ZNF804B: variants seen among roughly 807,000 people sequenced by gnomAD.
ZNF804B encodes zinc finger 804B.
In ZNF804B, 80 loss-of-function variants were observed where a neutral mutation model predicts 101.4. The observed-to-expected ratio is 0.79, with a 90% CI of 0.66 to 0.95. ZNF804B has a LOEUF of 0.95. ZNF804B is among the 40% of genes least tolerant of loss of function. The pLI is 0.00. For missense variants in ZNF804B, 1,673 were observed against 1,561.9 expected (o/e 1.07, Z -1.20); for synonymous variants, 622 against 558.8 (o/e 1.11, Z -1.59).
At chr7:88,816,190 A>G (rs996200645) in intron 1 of ZNF804B, among the ~76,000 whole-genome samples, 9 of 152,078 alleles carry the variant, frequency 5.9e-5, no homozygotes, top group African/African-American at 2.2e-4. Flanking sequence ...TTCCCTTCCT[A>G]TTACACTGGG....
chr7:89,118,804 C>T (rs1790355239), intron 1 of ZNF804B, among the ~76,000 whole-genome samples: 2 of 152,070 alleles, frequency 1.3e-5, no homozygotes, highest in African/African-American at 4.8e-5. Flanking sequence ...AAAATTTGTC[C>T]TTTCAGTCTT....
At chr7:88,926,889 T>G (rs1271436867) in intron 1 of ZNF804B, among the ~76,000 whole-genome samples, 1 of 150,508 alleles carries the variant, frequency 6.6e-6, no homozygotes, top group Non-Finnish European at 1.5e-5. Flanking sequence ...TTTTTTTTTC[T>G]CATTTTAAAA....
intron 1 of ZNF804B, among the ~76,000 whole-genome samples, chr7:88,815,332 A>G (rs1340638100): frequency 6.7e-6 from 1 of 149,636 alleles, no homozygotes; most frequent in East Asian, 2.0e-4. Flanking sequence ...GGCATAGAAT[A>G]CAATTTATTG....
chr7:89,235,504 A>C (rs778889774), intron 2 of ZNF804B, among the ~76,000 whole-genome samples: 1 of 152,234 alleles, frequency 6.6e-6, no homozygotes, highest in African/African-American at 2.4e-5. Context: ...TTCAAACACA[A>C]TTAAGGAAAC....
chr7:88,854,415 C>CTTT (rs1370526188), intron 1 of ZNF804B, among the ~76,000 whole-genome samples: 1 of 51,340 alleles, frequency 1.9e-5, no homozygotes, highest in African/African-American at 7.2e-5. Flanking sequence ...TTCTTTCTTC[C>CTTT]TTTCTTTCTT....
At position 89,273,755 on chromosome 7, in the gene ZNF804B, G is replaced by A. The variant is rs535518990; in HGVS notation, c.250-53589G>A. Among the ~76,000 whole-genome samples, 137 of 152,210 alleles carry A rather than the reference G, an allele frequency of 9.0e-4. 4 individuals carry two copies. The South Asian group carries it at 0.027, about 30-fold the overall frequency. ...TGCATGGCAGATCTCCTGAGTGGTAGATTTAAATTTGCTCCCAAACTTCAA... is the reference window on the plus strand; with the variant it reads ...TGCATGGCAGATCTCCTGAGTGGTAAATTTAAATTTGCTCCCAAACTTCAA... On this transcript the variant is annotated intron_variant, in intron 2 of 3. Transcript: ENST00000333190.
chr7:89,198,151 C>T (rs1465511493), intron 1 of ZNF804B, among the ~76,000 whole-genome samples: 1 of 151,800 alleles, frequency 6.6e-6, no homozygotes, highest in Non-Finnish European at 1.5e-5. Flanking sequence ...GCTTGATCAA[C>T]TAATGATATG....
rs143346017 is a variant in ZNF804B at position 89,027,033 on chromosome 7, C to T, written c.109-191122C>T. On this transcript the variant is annotated intron_variant, in intron 1 of 3. Coordinates refer to ENST00000333190, the MANE Select transcript of ZNF804B (RefSeq NM_181646.5). ...TGAGAAATATCAATATTTGGAACAT[C>T]AATAAGAAATAAAGAGTTGACAAAT... 5.8e-3 allele frequency among the ~76,000 whole-genome samples: 875 copies of T among 151,648 alleles called. 9 individuals carry two copies. The highest frequency in any genetic ancestry group is 0.019 in the African/African-American group (786 of 41,330).
chr7:89,108,129 G>A (rs1369950989), intron 1 of ZNF804B, among the ~76,000 whole-genome samples: 1 of 152,020 alleles, frequency 6.6e-6, no homozygotes, highest in African/African-American at 2.4e-5. Context: ...AACAGGACAT[G>A]TAGGCAAAAA....
intron 1 of ZNF804B, among the ~76,000 whole-genome samples, chr7:89,039,774 T>G (rs2116246503): frequency 6.6e-6 from 1 of 152,154 alleles, no homozygotes; most frequent in South Asian, 2.1e-4. Flanking sequence ...GCCAGTTTTT[T>G]TATTGTAACA....
chr7:89,069,069 A>C (rs1260381973), intron 1 of ZNF804B, among the ~76,000 whole-genome samples: 1 of 152,240 alleles, frequency 6.6e-6, no homozygotes, highest in African/African-American at 2.4e-5. Context: ...CAATAAAATC[A>C]GTTGTGACCT....
At chr7:88,789,884 T>C (rs1221938428) in intron 1 of ZNF804B, among the ~76,000 whole-genome samples, 1 of 152,136 alleles carries the variant, frequency 6.6e-6, no homozygotes, top group Non-Finnish European at 1.5e-5. Context: ...TAATGCTCCA[T>C]GAAGGGATCC....
At chr7:88,988,534 C>G (rs1329666334) in intron 1 of ZNF804B, among the ~76,000 whole-genome samples, 1 of 152,094 alleles carries the variant, frequency 6.6e-6, no homozygotes, top group Non-Finnish European at 1.5e-5. Context: ...CATAGAATAA[C>G]AAAAGGAGCA....
At chr7:89,048,622 G>A (rs567946621) in intron 1 of ZNF804B, among the ~76,000 whole-genome samples, 1 of 151,902 alleles carries the variant, frequency 6.6e-6, no homozygotes, top group East Asian at 1.9e-4. Flanking sequence ...CCTTAATTAG[G>A]TAATTTAATT....
chr7:88,989,408 T>C (rs1434199632), intron 1 of ZNF804B, among the ~76,000 whole-genome samples: 3 of 152,254 alleles, frequency 2.0e-5, no homozygotes, highest in East Asian at 1.9e-4. Context: ...CTGAGCCACG[T>C]TGGCATCTTT....
chr7:88,773,996 A>T (rs975037137), intron 1 of ZNF804B, among the ~76,000 whole-genome samples: 4 of 152,020 alleles, frequency 2.6e-5, no homozygotes, highest in African/African-American at 7.2e-5. Context: ...TGTATCAGTG[A>T]CCAAACTCCT....
chr7:88,824,091 T>A (rs1342987790), intron 1 of ZNF804B, among the ~76,000 whole-genome samples: 2 of 152,178 alleles, frequency 1.3e-5, no homozygotes, highest in African/African-American at 4.8e-5. Flanking sequence ...AGTACACTGG[T>A]CTGGTTTAGC....
intron 1 of ZNF804B, among the ~76,000 whole-genome samples, chr7:88,847,991 C>T (rs1379099288): frequency 6.6e-6 from 1 of 152,086 alleles, no homozygotes; most frequent in Non-Finnish European, 1.5e-5. Context: ...GGAATTATTA[C>T]TAATTTGGTA....
Position 89,333,840 on chromosome 7 carries a change from C to G in ZNF804B, c.858C>G (p.Ser286Arg). 1 of 1,613,340 alleles carries G rather than the reference C, an allele frequency of 6.2e-7. No homozygotes were observed. The highest frequency in any genetic ancestry group is 8.5e-7 in the Non-Finnish European group (1 of 1,179,710). ...TKEKEVNISP[S>R]HLESVLHNTI... Reference sequence around the variant, plus strand: ...AAAAAGAGGTAAATATCTCACCAAGCCATCTGGAAAGTGTTTTACACAATA... The same window carrying G: ...AAAAAGAGGTAAATATCTCACCAAGGCATCTGGAAAGTGTTTTACACAATA... The change falls in exon 4 of 4, where the codon AGC becomes AGG. Residue 286 changes from serine (S) to arginine (R), a missense_variant. Coordinates refer to ENST00000333190, the MANE Select transcript of ZNF804B (RefSeq NM_181646.5).
Sources: gnomAD v4.1 joint callset for allele counts (sites outside exome capture counted in the v4.1 genomes callset) on GRCh38, gnomAD v4.1.1 for gene constraint, MANE v1.5 for transcripts, NCBI Gene and HGNC (gene_info 2026-07-23, HGNC 2026-07-21) for gene names.